Variants in TPPP observed in about 807,000 individuals in gnomAD.
TPPP encodes the protein tubulin polymerization promoting protein, also known as tubulin polymerization-promoting protein.
In TPPP, 6 loss-of-function variants were observed where a neutral mutation model predicts 15.5. That is an observed-to-expected ratio of 0.39 (90% CI 0.21 to 0.77). The LOEUF (loss-of-function observed/expected upper bound fraction) is 0.77. Among genes scored for constraint, TPPP ranks in the 30% least tolerant of loss-of-function variants. The pLI, the probability that TPPP is intolerant of heterozygous loss-of-function variation, is 0.42. For synonymous variants in TPPP, 146 were observed against 133.9 expected, an observed-to-expected ratio of 1.09 and a Z score of -0.63; for missense variants, 269 against 307.2, an observed-to-expected ratio of 0.88 and a Z score of 0.93.
upstream of TPPP, among the ~76,000 whole-genome samples, chr5:698,261 G>A (rs34221549): frequency 1.3e-5 from 2 of 152,022 alleles, no homozygotes; most frequent in South Asian, 4.2e-4. Flanking sequence ...TATAAGACAT[G>A]GATGCCCACT....
At chr5:668,527 T>A (rs963382207) in intron 2 of TPPP, among the ~76,000 whole-genome samples, 1 of 150,558 alleles carries the variant, frequency 6.6e-6, no homozygotes. Flanking sequence ...CCCTGCACAC[T>A]CTCCAGGGGG....
intron 1 of TPPP, among the ~76,000 whole-genome samples, chr5:678,572 C>G (rs1740528766): frequency 7.2e-6 from 1 of 138,282 alleles, no homozygotes; most frequent in African/African-American, 3.5e-5. Context: ...AGTCGTGCGA[C>G]AGCCGCTCCC....
At chr5:677,554 C>T (rs531714724) in intron 2 of TPPP, among the ~76,000 whole-genome samples, 196 bp downstream of exon 2, 1 of 152,300 alleles carries the variant, frequency 6.6e-6, no homozygotes, top group South Asian at 2.1e-4. Flanking sequence ...TCCGGCAATG[C>T]CCGGACCCCT....
At chr5:685,404 C>T (rs1449678422) in intron 1 of TPPP, among the ~76,000 whole-genome samples, 2 of 152,256 alleles carry the variant, frequency 1.3e-5, no homozygotes. Flanking sequence ...ACATGGCGTC[C>T]TCCGGCCATC....
At position 677,856 on chromosome 5, in the gene TPPP, T is replaced by G. The variant is rs755436238; in HGVS notation, c.205A>C (p.Arg69=). 1 of 1,612,630 alleles carries G rather than the reference T, an allele frequency of 6.2e-7. No individual in the cohort carries two copies. Among genetic ancestry groups the G allele is most frequent in the South Asian group, 1.1e-5 (1 of 91,010 alleles). ...GACCAGTTCTTGCCGTGCATCTCCC[T>G]CCCGGTGGCCCTGGCGTCCCCGTGC... ...AVHGDARATG[R]EMHGKNWSKL... The change falls in exon 2 of 4, where the codon AGG becomes CGG. Residue 69 remains arginine, a synonymous_variant. Coordinates refer to ENST00000360578, the MANE Select transcript of TPPP (RefSeq NM_007030.3).
chr5:666,159 G>A (rs748421364), intron 2 of TPPP, 36 bp from the exon 3 acceptor site: 3 of 1,540,694 alleles, frequency 1.9e-6, no homozygotes, highest in South Asian at 2.3e-5. Flanking sequence ...CTGGGCGCGG[G>A]CCGGCCCAGG....
intron 2 of TPPP, among the ~76,000 whole-genome samples, chr5:666,413 G>T (rs991154227): frequency 6.6e-6 from 1 of 152,218 alleles, no homozygotes; most frequent in South Asian, 2.1e-4. Flanking sequence ...AGGCAGCGGA[G>T]CCCACCTCCT....
chr5:672,323 C>G (rs1296736266), intron 2 of TPPP, among the ~76,000 whole-genome samples: 1 of 152,216 alleles, frequency 6.6e-6, no homozygotes, highest in Admixed American at 6.5e-5. Context: ...TTCTAACCAG[C>G]GTCCAGGTAT....
intron 2 of TPPP, among the ~76,000 whole-genome samples, chr5:669,310 C>A (rs1416396301): frequency 6.6e-6 from 1 of 151,576 alleles, no homozygotes; most frequent in Admixed American, 6.5e-5. Context: ...CTGGGCAGCT[C>A]TGTGGCGTGG....
At chr5:684,102 G>A (rs1391066236) in intron 1 of TPPP, among the ~76,000 whole-genome samples, 1 of 152,220 alleles carries the variant, frequency 6.6e-6, no homozygotes, top group Admixed American at 6.5e-5. Flanking sequence ...CCTGCAGATG[G>A]CAAAGCTCCT....
chr5:693,429 G>C (rs185363561), upstream of TPPP: 1 of 117,610 alleles, frequency 8.5e-6, no homozygotes, highest in Non-Finnish European at 1.8e-5. Context: ...GCCCGCCCCC[G>C]GCCCCCAGCG....
chr5:684,740 GA>G (rs1217036513), intron 1 of TPPP, among the ~76,000 whole-genome samples: 1 of 130,216 alleles, frequency 7.7e-6, no homozygotes, highest in Admixed American at 8.2e-5. Flanking sequence ...TTTGAGCGCA[GA>G]CGGTTCCTGT....
At chr5:682,640 C>T (rs1311584065) in intron 1 of TPPP, among the ~76,000 whole-genome samples, 1 of 146,200 alleles carries the variant, frequency 6.8e-6, no homozygotes, top group East Asian at 2.0e-4. Flanking sequence ...CAGGGGTCTG[C>T]CCCTTGGGCC....
chr5:669,323 G>A (rs1740100572), intron 2 of TPPP, among the ~76,000 whole-genome samples: 3 of 151,586 alleles, frequency 2.0e-5, no homozygotes, highest in Non-Finnish European at 2.9e-5. Flanking sequence ...TGGCGTGGGG[G>A]TCCGCGGTGT....
intron 2 of TPPP, among the ~76,000 whole-genome samples, chr5:670,138 C>T (rs951453257): frequency 6.6e-6 from 1 of 152,314 alleles, no homozygotes; most frequent in African/African-American, 2.4e-5. Context: ...GGCCTGGGGC[C>T]TCCAGGAGCT....
chr5:675,009 G>C (rs927156071), intron 2 of TPPP, among the ~76,000 whole-genome samples: 6 of 133,696 alleles, frequency 4.5e-5, no homozygotes, highest in Non-Finnish European at 8.0e-5. Flanking sequence ...AGTGAGGGGG[G>C]CACAGTGTGG....
intron 2 of TPPP, among the ~76,000 whole-genome samples, chr5:675,131 C>CAGGGATGCAGTGTGGCA (rs1740364950): frequency 8.8e-6 from 1 of 113,070 alleles, no homozygotes; most frequent in Non-Finnish European, 1.8e-5. Context: ...ACAGTGTGGC[C>CAGGGATGCAGTGTGGCA]AGGGGTGCAG....
chr5:681,047 A>G (rs1360758490), intron 1 of TPPP, among the ~76,000 whole-genome samples: 1 of 152,132 alleles, frequency 6.6e-6, no homozygotes, highest in East Asian at 1.9e-4. Context: ...TAATTTTGAG[A>G]GAACATGGAG....
intron 3 of TPPP, 30 bp downstream of exon 3, chr5:665,938 CAG>C: frequency 2.1e-5 from 29 of 1,366,336 alleles, no homozygotes; most frequent in Admixed American, 4.4e-5. Flanking sequence ...CCACCCCCTC[CAG>C]GCCCCGCCTT....
Sources: allele counts gnomAD v4.1 joint callset (sites outside exome capture counted in the v4.1 genomes callset), GRCh38; gene constraint gnomAD v4.1.1; transcripts MANE v1.5; gene names NCBI Gene and HGNC (gene_info 2026-07-23, HGNC 2026-07-21).